Variants in ATP10B observed in about 807,000 individuals in gnomAD.
ATP10B encodes the protein phospholipid-transporting ATPase VB.
ATP10B carries 122 observed loss-of-function variants against 141.2 expected under a neutral mutation model. The ratio of observed to expected loss-of-function variants is 0.86; its 90% CI spans 0.75 to 1.00. The LOEUF is 1.00. Among genes scored for constraint, ATP10B ranks in the 50% least tolerant of loss-of-function variants. ATP10B has a pLI of 0.00. For missense variants in ATP10B, 1,876 were observed against 1,825.3 expected, an observed-to-expected ratio of 1.03 and a Z score of -0.51; for synonymous variants, 685 against 692.0, an observed-to-expected ratio of 0.99 and a Z score of 0.16.
chr5:160,775,894 G>A (rs1770273973), intron 2 of ATP10B, among the ~76,000 whole-genome samples: 1 of 152,058 alleles, frequency 6.6e-6, no homozygotes, highest in South Asian at 2.1e-4. Context: ...TGTTAGCCAG[G>A]ATGGTCTTGA....
At chr5:160,827,154 G>GT (rs1774673394) in intron 1 of ATP10B, among the ~76,000 whole-genome samples, 1 of 152,124 alleles carries the variant, frequency 6.6e-6, no homozygotes, top group Non-Finnish European at 1.5e-5. Context: ...TGGGCATCAT[G>GT]GTCCTACCAA....
intron 2 of ATP10B, among the ~76,000 whole-genome samples, chr5:160,742,518 T>C (rs1489435656): frequency 6.6e-6 from 1 of 152,214 alleles, no homozygotes; most frequent in Non-Finnish European, 1.5e-5. Context: ...ATAGCTATTT[T>C]TGGCTATACC....
intron 15 of ATP10B, among the ~76,000 whole-genome samples, chr5:160,618,725 T>G (rs1758164057): frequency 6.6e-6 from 1 of 152,228 alleles, no homozygotes; most frequent in African/African-American, 2.4e-5. Context: ...TAAGAATTTT[T>G]CAGCCAAGGT....
chr5:160,641,725 T>C (rs893728385), intron 9 of ATP10B, among the ~76,000 whole-genome samples: 9 of 152,214 alleles, frequency 5.9e-5, no homozygotes, highest in African/African-American at 1.9e-4. Context: ...AGTGCCATAC[T>C]CCTCAGCAGT....
the ATP10B span, among the ~76,000 whole-genome samples, chr5:160,890,460 G>GA: frequency 2.0e-5 from 3 of 152,130 alleles, no homozygotes; most frequent in Non-Finnish European, 4.4e-5. Context: ...CCTTTGCCCA[G>GA]TCCCTGGCAA....
intron 1 of ATP10B, among the ~76,000 whole-genome samples, chr5:160,835,464 A>AT (rs1231570907): frequency 1.3e-5 from 2 of 152,124 alleles, no homozygotes; most frequent in Non-Finnish European, 2.9e-5. Context: ...TTTATAGAGC[A>AT]TGTTGTTCTC....
At chr5:160,668,064 C>T (rs1210021859) in intron 7 of ATP10B, among the ~76,000 whole-genome samples, 2 of 152,116 alleles carry the variant, frequency 1.3e-5, no homozygotes, top group Non-Finnish European at 2.9e-5. Flanking sequence ...AACCCTGTCT[C>T]TACTAAAAAT....
At chr5:160,637,530 T>C (rs984060989) in intron 10 of ATP10B, among the ~76,000 whole-genome samples, 3 of 152,178 alleles carry the variant, frequency 2.0e-5, no homozygotes, top group African/African-American at 7.2e-5. Context: ...TGACAGCCCA[T>C]AGCAACAGCA....
At position 160,830,991 on chromosome 5, in the gene ATP10B, A is replaced by ACACACACT. The variant is rs1554122999; in HGVS notation, c.-576+20949_-576+20950insAGTGTGTG. On this transcript the variant is annotated intron_variant, in intron 1 of 25. Transcript: ENST00000327245. ...CACAAACACACACACACACACACAC[A>ACACACACT]CACACACAGAGTGGACAGAATAGTG... Among the ~76,000 whole-genome samples the ACACACACT allele has an allele frequency of 7.0e-3, 1,059 of 150,786 alleles. 17 individuals are homozygous for ACACACACT. The highest frequency in any genetic ancestry group is 0.023 in the African/African-American group (950 of 41,204).
chr5:160,735,990 C>G (rs1402435579), intron 2 of ATP10B, among the ~76,000 whole-genome samples: 2 of 152,046 alleles, frequency 1.3e-5, no homozygotes, highest in Non-Finnish European at 2.9e-5. Flanking sequence ...ATAGCAAAAG[C>G]ATTACTAAGA....
At chr5:160,603,314 A>G (rs1219755917) in intron 20 of ATP10B, 1 of 154,984 alleles carries the variant, frequency 6.5e-6, no homozygotes, top group African/African-American at 2.4e-5. Context: ...AATCCCTTAC[A>G]GGGTGTGATG....
chr5:160,663,705 G>A (rs1307030451), intron 7 of ATP10B, among the ~76,000 whole-genome samples: 1 of 151,790 alleles, frequency 6.6e-6, no homozygotes, highest in African/African-American at 2.4e-5. Flanking sequence ...CGAGTTAATG[G>A]GTGCAGCACA....
rs960549492 is a variant in ATP10B at position 160,660,564 on chromosome 5, G to T, written c.675+9899C>A. ...AAAAACATCCGTTTTCTCTACAGAG[G>T]ACACTTAGGAGTGACCCAATACTTC... is the stretch of plus-strand genomic sequence containing the variant. On this transcript the variant is annotated intron_variant, in intron 7 of 25. Coordinates refer to ENST00000327245, the MANE Select transcript of ATP10B (RefSeq NM_025153.3). Among the ~76,000 whole-genome samples the T allele has an allele frequency of 3.3e-5, 5 of 152,258 alleles. No individual in the cohort carries two copies. In the East Asian group the frequency reaches 9.6e-4, roughly 29 times the overall value.
intron 7 of ATP10B, among the ~76,000 whole-genome samples, chr5:160,655,708 T>A (rs535943829): frequency 2.0e-5 from 3 of 152,242 alleles, no homozygotes; most frequent in Admixed American, 2.0e-4. Context: ...AAATAAAAAA[T>A]GTAGTCACAG....
intron 1 of ATP10B, among the ~76,000 whole-genome samples, chr5:160,799,022 A>T (rs973700390): frequency 3.9e-5 from 6 of 152,126 alleles, no homozygotes; most frequent in Non-Finnish European, 7.4e-5. Context: ...AAGTACTGGG[A>T]TTACAGGCCT....
In ATP10B at chr5:160,638,362, A is replaced by G. The variant is rs183166418; in HGVS notation, c.1001-2053T>C. On this transcript the variant is annotated intron_variant, in intron 10 of 25. Transcript: ENST00000327245. ...ACTTTCTTTTTCTGGAGACACAGTG[A>G]GATGATCTCAAATGTCTTTTTCACG... 1.4e-3 allele frequency among the ~76,000 whole-genome samples: 218 copies of G among 152,252 alleles called. 2 individuals are homozygous for G. The highest frequency in any genetic ancestry group is 3.4e-3 in the Middle Eastern group (1 of 294).
intron 7 of ATP10B, among the ~76,000 whole-genome samples, chr5:160,661,933 A>C (rs1351106953): frequency 1.3e-5 from 2 of 152,244 alleles, no homozygotes; most frequent in Non-Finnish European, 2.9e-5. Flanking sequence ...TTAAGCTGAC[A>C]GGCAACTTCA....
At chr5:160,857,861 G>A in the ATP10B span, among the ~76,000 whole-genome samples, 2 of 151,798 alleles carry the variant, frequency 1.3e-5, no homozygotes, top group Non-Finnish European at 2.9e-5. Context: ...TATGGTCAGA[G>A]AATGCACTCT....
the ATP10B span, among the ~76,000 whole-genome samples, chr5:160,874,942 C>G: frequency 7.2e-6 from 1 of 139,522 alleles, no homozygotes; most frequent in East Asian, 2.2e-4. Context: ...AGAATGGAAC[C>G]AAGTTGGAAA....
Sources: allele counts gnomAD v4.1 joint callset (sites outside exome capture counted in the v4.1 genomes callset), GRCh38; gene constraint gnomAD v4.1.1; transcripts MANE v1.5; gene names NCBI Gene and HGNC (gene_info 2026-07-23, HGNC 2026-07-21).